The following PPP2R5A variants were observed in gnomAD, a reference collection of about 807,000 sequenced individuals.
PPP2R5A encodes serine/threonine-protein phosphatase 2A 56 kDa regulatory subunit alpha isoform.
Under a neutral mutation model 64.2 loss-of-function variants are expected in PPP2R5A, and 25 were observed. That is an observed-to-expected ratio of 0.39 (90% CI 0.28 to 0.54). The LOEUF is 0.54. Among genes scored for constraint, PPP2R5A ranks in the 20% least tolerant of loss-of-function variants. PPP2R5A has a pLI of 0.67. For synonymous variants in PPP2R5A, 198 were observed against 201.2 expected, an observed-to-expected ratio of 0.98 and a Z score of 0.13; for missense variants, 425 against 576.3, an observed-to-expected ratio of 0.74 and a Z score of 2.69.
chr1:212,320,568 C>CG (rs1252211056), intron 1 of PPP2R5A, among the ~76,000 whole-genome samples: 16 of 144,006 alleles, frequency 1.1e-4, no homozygotes, highest in South Asian at 4.2e-4. Flanking sequence ...GCTGTCCGGG[C>CG]GGGGGGCTGA....
chr1:212,286,330 G>T (rs1658498277), intron 1 of PPP2R5A, 39 bp downstream of exon 1: 4 of 1,430,246 alleles, frequency 2.8e-6, no homozygotes, highest in Non-Finnish European at 3.7e-6. Context: ...CGAGCGCAGG[G>T]GCTGGCAACG....
At chr1:212,352,148 T>C (rs1659896347) in intron 8 of PPP2R5A, among the ~76,000 whole-genome samples, 3 of 151,658 alleles carry the variant, frequency 2.0e-5, no homozygotes, top group Non-Finnish European at 1.5e-5. Context: ...CTTAGCCTCC[T>C]GAGTAGCTGA....
intron 4 of PPP2R5A, among the ~76,000 whole-genome samples, chr1:212,345,502 A>G (rs1342060605): frequency 6.6e-6 from 1 of 152,206 alleles, no homozygotes; most frequent in Middle Eastern, 3.2e-3. Flanking sequence ...CAAAATTGTG[A>G]GCCTCTTTAG....
chr1:212,308,372 T>G (rs921058289), intron 1 of PPP2R5A, among the ~76,000 whole-genome samples: 2 of 144,916 alleles, frequency 1.4e-5, no homozygotes, highest in African/African-American at 4.9e-5. Flanking sequence ...GAGTTTCTTG[T>G]GTTAGGTTTA....
chr1:212,332,069 G>C (rs1052215481), intron 2 of PPP2R5A, among the ~76,000 whole-genome samples: 4 of 152,182 alleles, frequency 2.6e-5, no homozygotes, highest in Non-Finnish European at 4.4e-5. Flanking sequence ...CTACGCTCTT[G>C]TGAGATAGAT....
chr1:212,349,179 T>TA lies in PPP2R5A; in HGVS notation c.874-9dup. On this transcript the variant is annotated splice_polypyrimidine_tract_variant and intron_variant, in intron 7 of 12. Transcript: ENST00000261461. ...TCACTAATATTTATAAACTGTCCCT[T>TA]ACCTTTTAGCTAGCATATTGTGTTG... 4 of 1,521,544 alleles carry TA rather than the reference T, an allele frequency of 2.6e-6. No individual in the cohort carries two copies. The highest frequency in any genetic ancestry group is 3.6e-6 in the Non-Finnish European group (4 of 1,119,462). The allele number at this position is 1,521,544 out of a possible 1,614,324, so 94.3% of individuals were successfully genotyped here. A position where few individuals can be genotyped will look rare whatever the true frequency, so the allele number is the denominator to read the frequency against.
intron 1 of PPP2R5A, among the ~76,000 whole-genome samples, chr1:212,315,899 G>A (rs913779189): frequency 6.6e-6 from 1 of 151,960 alleles, no homozygotes; most frequent in Non-Finnish European, 1.5e-5. Flanking sequence ...TGTTATGATC[G>A]CCTCCAATTA....
intron 4 of PPP2R5A, among the ~76,000 whole-genome samples, chr1:212,342,706 GC>G (rs2102441081): frequency 6.6e-6 from 1 of 152,236 alleles, no homozygotes; most frequent in Non-Finnish European, 1.5e-5. Context: ...AGGAATTTGG[GC>G]TTTAGGCTCC....
rs548873828 is a variant in PPP2R5A at position 212,355,719 on chromosome 1, G to T, written c.928-907G>T. Among the ~76,000 whole-genome samples the T allele has an allele frequency of 2.0e-5, 3 of 151,656 alleles. 1 individual carries two copies. The South Asian group carries it at 6.2e-4, about 32-fold the overall frequency. On this transcript the variant is annotated intron_variant, in intron 8 of 12. Transcript: ENST00000261461. ...TTAACCTATGAATGGAACCATCCTG[G>T]CATTTCTGGAATAAGTTACAATTAG...
At chr1:212,336,901 A>G (rs1378269313) in intron 3 of PPP2R5A, among the ~76,000 whole-genome samples, 1 of 152,222 alleles carries the variant, frequency 6.6e-6, no homozygotes, top group Non-Finnish European at 1.5e-5. Flanking sequence ...AGGGTGGAAA[A>G]TAAACATTAG....
chr1:212,360,705 G>A lies in PPP2R5A; in HGVS notation c.1396G>A (p.Ala466Thr). Residue 466 changes from alanine (A) to threonine (T), a missense_variant, in exon 13 of 13, where the codon GCT becomes ACT. Physicochemically the swap from Ala to Thr is moderately conservative, Grantham distance 58. This residue lies in a region of PPP2R5A where 177 missense variants were observed against 244.8 expected (regional missense o/e 0.72). Coordinates refer to ENST00000261461, the MANE Select transcript of PPP2R5A (RefSeq NM_006243.4). ...KKLEELKLKK[A>T]LEKQNSAYNM... ...ATTAGAGGAGCTAAAGCTAAAGAAAGCTCTAGAAAAACAGAATAGTGCTTA... is the reference window on the plus strand; with the variant it reads ...ATTAGAGGAGCTAAAGCTAAAGAAAACTCTAGAAAAACAGAATAGTGCTTA... 3 of 1,598,020 alleles carry A rather than the reference G, an allele frequency of 1.9e-6. No individual in the cohort carries two copies. The highest frequency in any genetic ancestry group is 1.7e-6 in the Non-Finnish European group (2 of 1,171,856).
At chr1:212,360,065 C>A (rs1162370131) in intron 12 of PPP2R5A, among the ~76,000 whole-genome samples, 1 of 152,134 alleles carries the variant, frequency 6.6e-6, no homozygotes, top group Admixed American at 6.5e-5. Flanking sequence ...TTCCTTAGAA[C>A]TGAAATTAAT....
In PPP2R5A at chr1:212,361,849, T is replaced by G. The variant is rs1363889900; in HGVS notation, c.*1079T>G. 1 of 152,684 alleles carries G rather than the reference T, an allele frequency of 6.5e-6. No homozygotes were observed. The highest frequency in any genetic ancestry group is 2.4e-5 in the African/African-American group (1 of 41,468). The allele number at this position is 152,684 out of a possible 1,614,324, so 9.5% of individuals were successfully genotyped here. A position where few individuals can be genotyped will look rare whatever the true frequency, so the allele number is the denominator to read the frequency against. ...GAGCAGCATTTAATAAAGTCTATGT[T>G]TGTATTTTGCCTTATGTCATCTTTG... On this transcript the variant is annotated 3_prime_UTR_variant, in exon 13 of 13. Transcript: ENST00000261461.
At chr1:212,358,585 A>C (rs1371014929) in intron 11 of PPP2R5A, 101 bp from the exon 12 acceptor site, 11 of 799,978 alleles carry the variant, frequency 1.4e-5, no homozygotes, top group Non-Finnish European at 2.0e-5. Flanking sequence ...AAATGGATTA[A>C]ATGAAATCAG....
At chr1:212,321,501 A>T (rs1392225107) in intron 1 of PPP2R5A, among the ~76,000 whole-genome samples, 2 of 142,644 alleles carry the variant, frequency 1.4e-5, no homozygotes, top group Non-Finnish European at 3.0e-5. Flanking sequence ...GGGGCTCCTC[A>T]CTTCTCAGAC....
intron 4 of PPP2R5A, among the ~76,000 whole-genome samples, chr1:212,343,683 AGTTAT>A (rs1486345501): frequency 2.0e-5 from 3 of 152,158 alleles, no homozygotes; most frequent in African/African-American, 4.8e-5. Flanking sequence ...CATTAAATGG[AGTTAT>A]GTTATTTTGG....
At chr1:212,339,153 A>G (rs968411769) in intron 3 of PPP2R5A, among the ~76,000 whole-genome samples, 17 of 151,978 alleles carry the variant, frequency 1.1e-4, no homozygotes, top group African/African-American at 3.6e-4. Context: ...TTCTACCTCT[A>G]TTTGGGATAA....
chr1:212,320,397 T>G (rs1442030414), intron 1 of PPP2R5A, among the ~76,000 whole-genome samples: 1 of 151,866 alleles, frequency 6.6e-6, no homozygotes, highest in African/African-American at 2.4e-5. Flanking sequence ...TCCCCACCTT[T>G]CCCCCCTTTC....
At chr1:212,304,103 C>A (rs1658848776) in intron 1 of PPP2R5A, among the ~76,000 whole-genome samples, 2 of 152,024 alleles carry the variant, frequency 1.3e-5, no homozygotes, top group Admixed American at 6.5e-5. Context: ...CTCTAAACAC[C>A]CTTAAATTTT....
Sources: gnomAD v4.1 joint callset for allele counts (sites outside exome capture counted in the v4.1 genomes callset) on GRCh38, gnomAD v4.1.1 for gene constraint, gnomAD v4.1.1 regional missense constraint, MANE v1.5 for transcripts, NCBI Gene and HGNC (gene_info 2026-07-23, HGNC 2026-07-21) for gene names.